Variants in NBEA observed in about 807,000 individuals in gnomAD.
The protein encoded by NBEA is neurobeachin.
NBEA carries 44 observed loss-of-function variants against 343.4 expected under a neutral mutation model. That is an observed-to-expected ratio of 0.13 (90% CI 0.10 to 0.16). The LOEUF is 0.16. Among genes scored for constraint, NBEA ranks in the 10% least tolerant of loss-of-function variants. The pLI, the probability that NBEA is intolerant of heterozygous loss-of-function variation, is 1.00. For missense variants in NBEA, 2,555 were observed against 3,631.3 expected, an observed-to-expected ratio of 0.70 and a Z score of 7.62; for synonymous variants, 1,175 against 1,238.7, an observed-to-expected ratio of 0.95 and a Z score of 1.08.
intron 41 of NBEA, chr13:35,476,353 G>T (rs543187987): frequency 8.6e-7 from 1 of 1,161,842 alleles, no homozygotes; most frequent in Non-Finnish European, 1.2e-6. Flanking sequence ...TGCTGCTGCT[G>T]CTTTTCCCTT....
chr13:35,142,422 G>A, intron 18 of NBEA, 45 bp downstream of exon 18: 2 of 1,401,148 alleles, frequency 1.4e-6, no homozygotes, highest in South Asian at 2.4e-5. Context: ...TGTATACAGT[G>A]GAAACCCTCT....
At position 35,198,067 on chromosome 13, in the gene NBEA, G is replaced by A. The variant is rs539303276; in HGVS notation, c.5366+1765G>A. The stretch of plus-strand genomic sequence containing the variant: ...AAAATGGTAGGACTATAAAATGTAA[G>A]AAATATTTTTCTTTTTTTGGTATTT... On this transcript the variant is annotated intron_variant, in intron 31 of 58. Transcript: ENST00000379939. Among the ~76,000 whole-genome samples, 7 of 152,262 alleles carry A rather than the reference G, an allele frequency of 4.6e-5. No individual in the cohort carries two copies. The East Asian group carries it at 1.4e-3, about 29-fold the overall frequency.
At chr13:35,135,682 A>G (rs891233539) in intron 17 of NBEA, among the ~76,000 whole-genome samples, 1 of 152,048 alleles carries the variant, frequency 6.6e-6, no homozygotes, top group African/African-American at 2.4e-5. Context: ...ATTTATTGTA[A>G]TAAGTCTAGT....
chr13:35,279,317 T>G lies in NBEA; in HGVS notation c.5777-11072T>G, dbSNP rs138030078. ...CATTAATCTTTACTAGCAAGGAAATTTAGTGTCAAGAATGTGATGTGTCTT... is the reference window on the plus strand; with the variant it reads ...CATTAATCTTTACTAGCAAGGAAATGTAGTGTCAAGAATGTGATGTGTCTT... On this transcript the variant is annotated intron_variant, in intron 34 of 58. Coordinates refer to ENST00000379939, the MANE Select transcript of NBEA (RefSeq NM_001385012.1). 2.0e-5 allele frequency among the ~76,000 whole-genome samples: 3 copies of G among 152,184 alleles called. No individual in the cohort carries two copies. The East Asian group carries it at 5.8e-4, about 29-fold the overall frequency.
intron 24 of NBEA, among the ~76,000 whole-genome samples, chr13:35,167,808 A>G (rs1433765810): frequency 6.6e-6 from 1 of 151,818 alleles, no homozygotes; most frequent in Non-Finnish European, 1.5e-5. Context: ...GAAAAATTGG[A>G]GAAGAAAAAG....
intron 33 of NBEA, among the ~76,000 whole-genome samples, chr13:35,225,107 T>G (rs954235457): frequency 6.6e-6 from 1 of 152,204 alleles, no homozygotes; most frequent in Non-Finnish European, 1.5e-5. Context: ...CACTATGTAG[T>G]CCCTTCTGCA....
chr13:35,342,324 A>C (rs1057461409), intron 36 of NBEA, among the ~76,000 whole-genome samples: 2 of 152,116 alleles, frequency 1.3e-5, no homozygotes, highest in African/African-American at 4.8e-5. Flanking sequence ...TACAGTGTAC[A>C]TTTTTAAATG....
rs527867655 is a variant in NBEA at position 35,050,517 on chromosome 13, T to C, written c.972+122T>C. 8 of 1,048,954 alleles carry C rather than the reference T, an allele frequency of 7.6e-6. No homozygotes were observed. The South Asian group carries it at 9.8e-5, about 13-fold the overall frequency. The allele number at this position is 1,048,954 out of a possible 1,614,324, so 65.0% of individuals were successfully genotyped here. ...CTATGCTTTTAATTGTTTTCTCTTA[T>C]CCTTGTCTGCATTTCCTTTTTACTT... On this transcript the variant is annotated intron_variant, in intron 6 of 58. Transcript: ENST00000379939.
chr13:35,045,244 G>C lies in NBEA; in HGVS notation c.628-62G>C, dbSNP rs113216422. ...AGAAAACAGTCCAATGGGTAACATG[G>C]TATATTAAGTATGATTGCTAAATTT... On this transcript the variant is annotated intron_variant, in intron 3 of 58. Coordinates refer to ENST00000379939, the MANE Select transcript of NBEA (RefSeq NM_001385012.1). 1,758 of 1,357,202 alleles carry C rather than the reference G, an allele frequency of 1.3e-3. 21 individuals carry two copies. In the African/African-American group the frequency reaches 0.023, roughly 18 times the overall value. The allele number at this position is 1,357,202 out of a possible 1,614,324, so 84.1% of individuals were successfully genotyped here.
intron 48 of NBEA, among the ~76,000 whole-genome samples, chr13:35,608,336 T>C (rs996444990): frequency 3.9e-5 from 6 of 152,230 alleles, no homozygotes; most frequent in African/African-American, 1.4e-4. Context: ...TCAATTTATA[T>C]TTTTAATGTG....
chr13:35,333,396 A>T (rs914641030), intron 36 of NBEA, among the ~76,000 whole-genome samples: 4 of 152,150 alleles, frequency 2.6e-5, no homozygotes, highest in Non-Finnish European at 5.9e-5. Flanking sequence ...TTGGATTTTT[A>T]AAATTTTTTA....
chr13:35,433,658 GTAACTTTATA>G (rs1324056531), intron 39 of NBEA, among the ~76,000 whole-genome samples: 2 of 151,870 alleles, frequency 1.3e-5, no homozygotes, highest in Non-Finnish European at 2.9e-5. Context: ...AAGTTATACA[GTAACTTTATA>G]TAGTAAAAGT....
intron 35 of NBEA, among the ~76,000 whole-genome samples, chr13:35,299,085 A>C (rs2152824343): frequency 6.6e-6 from 1 of 152,240 alleles, no homozygotes; most frequent in Admixed American, 6.5e-5. Context: ...CAGAATTTCT[A>C]AACATGCCAG....
chr13:35,485,807 A>G (rs1039544904), intron 41 of NBEA, among the ~76,000 whole-genome samples: 10 of 152,234 alleles, frequency 6.6e-5, no homozygotes, highest in African/African-American at 2.4e-4. Context: ...CAATATCTGT[A>G]TCTTTAAAAA....
chr13:35,532,529 T>A (rs1021312580), intron 41 of NBEA, among the ~76,000 whole-genome samples: 1 of 151,356 alleles, frequency 6.6e-6, no homozygotes, highest in Non-Finnish European at 1.5e-5. Flanking sequence ...CTAAATACTT[T>A]GATTGTGCAG....
At chr13:35,103,831 C>T (rs1385499623) in intron 11 of NBEA, among the ~76,000 whole-genome samples, 1 of 151,800 alleles carries the variant, frequency 6.6e-6, no homozygotes, top group Non-Finnish European at 1.5e-5. Context: ...CAAAATGTAT[C>T]CAGAATCAAT....
chr13:35,658,987 A>T (rs925165852), intron 55 of NBEA, among the ~76,000 whole-genome samples: 2 of 152,170 alleles, frequency 1.3e-5, no homozygotes, highest in Non-Finnish European at 2.9e-5. Flanking sequence ...GAAAACTCAC[A>T]ATGTGAAAGA....
intron 38 of NBEA, among the ~76,000 whole-genome samples, chr13:35,376,723 T>G (rs1227217688): frequency 6.6e-6 from 1 of 152,156 alleles, no homozygotes; most frequent in Non-Finnish European, 1.5e-5. Flanking sequence ...GTGATTAGTC[T>G]AGAATGGAGG....
At chr13:35,313,433 G>A (rs1045647477) in intron 36 of NBEA, among the ~76,000 whole-genome samples, 23 of 152,042 alleles carry the variant, frequency 1.5e-4, no homozygotes, top group African/African-American at 5.6e-4. Flanking sequence ...CTATTTATTT[G>A]CCCTGTTAAA....
Sources: gnomAD v4.1 joint callset for allele counts (sites outside exome capture counted in the v4.1 genomes callset) on GRCh38, gnomAD v4.1.1 for gene constraint, MANE v1.5 for transcripts, NCBI Gene and HGNC (gene_info 2026-07-23, HGNC 2026-07-21) for gene names.